PTPRT: variants seen among roughly 807,000 people sequenced by gnomAD.
PTPRT encodes the protein protein tyrosine phosphatase receptor type T.
PTPRT carries 56 observed loss-of-function variants against 176.8 expected under a neutral mutation model. That is an observed-to-expected ratio of 0.32 (90% CI 0.26 to 0.40). The LOEUF (loss-of-function observed/expected upper bound fraction) is 0.40, where lower values mean the gene tolerates loss of function less well. PTPRT is among the 10% of genes least tolerant of loss of function. The probability of loss-of-function intolerance (pLI) is 1.00; values close to 1 mark genes in which losing one functional copy is unlikely to be tolerated. For synonymous variants in PTPRT, 783 were observed against 739.0 expected (o/e 1.06, Z -0.96); for missense variants, 1,540 against 1,908.2 (o/e 0.81, Z 3.60).
At position 42,843,942 on chromosome 20, in the gene PTPRT, T is replaced by C. The variant is rs543782440; in HGVS notation, c.214+41865A>G. Among the ~76,000 whole-genome samples the C allele has an allele frequency of 2.6e-5, 4 of 152,262 alleles. No homozygotes were observed. The South Asian group carries it at 8.3e-4, about 32-fold the overall frequency. ...GTGTTGCATGGAAAATCTCAGAAAC[T>C]TGGCCAAGAAAACTGAAAGATCAAG... On this transcript the variant is annotated intron_variant, in intron 2 of 30. Transcript: ENST00000373187.
intron 2 of PTPRT, among the ~76,000 whole-genome samples, chr20:42,819,308 A>G (rs2077847935): frequency 6.6e-6 from 1 of 152,192 alleles, no homozygotes; most frequent in Non-Finnish European, 1.5e-5. Flanking sequence ...ACTAATCGTG[A>G]TAAGTAAAGG....
chr20:42,757,643 A>T (rs1243393226), intron 5 of PTPRT, among the ~76,000 whole-genome samples: 1 of 152,180 alleles, frequency 6.6e-6, no homozygotes, highest in Non-Finnish European at 1.5e-5. Context: ...ATTTGCCCAC[A>T]AGTGTTGCCC....
chr20:42,185,639 A>G (rs1359427038), intron 16 of PTPRT, among the ~76,000 whole-genome samples: 1 of 152,204 alleles, frequency 6.6e-6, no homozygotes, highest in Non-Finnish European at 1.5e-5. Flanking sequence ...GAACGCTGAA[A>G]ACAGGACAAT....
At chr20:42,227,004 C>T (rs2056028776) in intron 15 of PTPRT, among the ~76,000 whole-genome samples, 1 of 152,046 alleles carries the variant, frequency 6.6e-6, no homozygotes, top group Non-Finnish European at 1.5e-5. Flanking sequence ...GCAGAGTGTT[C>T]ATAAGCAATG....
intron 5 of PTPRT, among the ~76,000 whole-genome samples, chr20:42,758,090 GTT>G (rs1321077622): frequency 6.6e-6 from 1 of 152,138 alleles, no homozygotes; most frequent in African/African-American, 2.4e-5. Flanking sequence ...GTCAAGCACT[GTT>G]TTTACTAAGA....
At chr20:42,184,521 T>TC (rs1990653793) in intron 16 of PTPRT, among the ~76,000 whole-genome samples, 2 of 107,434 alleles carry the variant, frequency 1.9e-5, no homozygotes, top group African/African-American at 3.6e-5. Context: ...TCCTCCTCCT[T>TC]CTTCTTCTTC....
At chr20:42,383,110 C>T (rs966789168) in intron 9 of PTPRT, among the ~76,000 whole-genome samples, 1 of 152,184 alleles carries the variant, frequency 6.6e-6, no homozygotes, top group African/African-American at 2.4e-5. Context: ...CTAAAGTGCA[C>T]TCAATACATG....
intron 1 of PTPRT, among the ~76,000 whole-genome samples, chr20:43,126,136 G>T (rs917911709): frequency 6.6e-6 from 1 of 152,138 alleles, no homozygotes; most frequent in African/African-American, 2.4e-5. Flanking sequence ...CAGATCACCT[G>T]AAGTCAGGAG....
At chr20:42,328,670 C>A (rs1294293425) in intron 11 of PTPRT, among the ~76,000 whole-genome samples, 1 of 152,066 alleles carries the variant, frequency 6.6e-6, no homozygotes, top group Non-Finnish European at 1.5e-5. Context: ...TTCAAAATAC[C>A]TATTTCAAAT....
chr20:42,939,459 C>T (rs2145989343), intron 1 of PTPRT, among the ~76,000 whole-genome samples: 1 of 152,298 alleles, frequency 6.6e-6, no homozygotes, highest in East Asian at 1.9e-4. Flanking sequence ...CCCTCCTTTT[C>T]CTTTCCTTCT....
At chr20:42,110,211 T>TAA (rs1366176104) in intron 23 of PTPRT, 122 bp downstream of exon 23, 4 of 896,808 alleles carry the variant, frequency 4.5e-6, no homozygotes, top group Non-Finnish European at 6.4e-6. Flanking sequence ...CATGACCAGC[T>TAA]AAGTTTTTGT....
intron 7 of PTPRT, among the ~76,000 whole-genome samples, chr20:42,624,693 A>G (rs1031180019): frequency 2.6e-5 from 4 of 152,230 alleles, no homozygotes; most frequent in African/African-American, 4.8e-5. Context: ...TTGAGGGGCC[A>G]GGAGTGGTGG....
chr20:42,694,188 G>A (rs912866822), intron 6 of PTPRT, among the ~76,000 whole-genome samples: 5 of 151,754 alleles, frequency 3.3e-5, no homozygotes, highest in African/African-American at 1.2e-4. Context: ...ACAGGCACCC[G>A]CCACCATGCC....
chr20:42,344,499 C>T (rs1225786875), intron 11 of PTPRT, among the ~76,000 whole-genome samples: 1 of 152,132 alleles, frequency 6.6e-6, no homozygotes, highest in Non-Finnish European at 1.5e-5. Context: ...TCAGGGAGGC[C>T]ACAGTCTAGC....
chr20:42,189,584 T>C (rs558563645), intron 16 of PTPRT, among the ~76,000 whole-genome samples: 7 of 152,312 alleles, frequency 4.6e-5, no homozygotes, highest in Admixed American at 3.9e-4. Context: ...GAAGGTTCTA[T>C]TTATGCAGAA....
intron 7 of PTPRT, among the ~76,000 whole-genome samples, chr20:42,495,336 T>G (rs1315101501): frequency 6.6e-6 from 1 of 152,164 alleles, no homozygotes; most frequent in African/African-American, 2.4e-5. Flanking sequence ...CTCTCTTCTC[T>G]AGGCCAGAGG....
At chr20:42,611,777 T>C (rs1462276821) in intron 7 of PTPRT, among the ~76,000 whole-genome samples, 1 of 152,106 alleles carries the variant, frequency 6.6e-6, no homozygotes, top group Non-Finnish European at 1.5e-5. Context: ...CAGACTGCCA[T>C]GAAATAAACC....
At chr20:42,835,205 A>G (rs551360897) in intron 2 of PTPRT, among the ~76,000 whole-genome samples, 2 of 152,358 alleles carry the variant, frequency 1.3e-5, no homozygotes, top group South Asian at 2.1e-4. Flanking sequence ...AATGAAACCA[A>G]TAGATATTCT....
intron 16 of PTPRT, among the ~76,000 whole-genome samples, chr20:42,165,918 G>C (rs1277973704): frequency 6.6e-6 from 1 of 152,086 alleles, no homozygotes; most frequent in African/African-American, 2.4e-5. Flanking sequence ...AGGCGAAAAA[G>C]AACACATGAA....
Sources: allele counts gnomAD v4.1 joint callset (sites outside exome capture counted in the v4.1 genomes callset), GRCh38; gene constraint gnomAD v4.1.1; transcripts MANE v1.5; gene names NCBI Gene and HGNC (gene_info 2026-07-23, HGNC 2026-07-21).